CPQ: variants seen among roughly 807,000 people sequenced by gnomAD.
CPQ encodes carboxypeptidase Q, also known as Ser-Met dipeptidase.
A neutral mutation model predicts 45.7 loss-of-function variants in CPQ; 37 were observed. That is an observed-to-expected ratio of 0.81 (90% confidence interval 0.62 to 1.07). The LOEUF is 1.07. Among genes scored for constraint, CPQ ranks in the 50% least tolerant of loss-of-function variants. The pLI is 0.00. For missense variants in CPQ, 537 were observed against 572.9 expected (o/e 0.94, Z 0.64); for synonymous variants, 186 against 205.8 (o/e 0.90, Z 0.82).
intron 4 of CPQ, among the ~76,000 whole-genome samples, chr8:96,937,879 G>A (rs749875297): frequency 6.6e-6 from 1 of 152,168 alleles, no homozygotes; most frequent in Non-Finnish European, 1.5e-5. Context: ...ATCATGCTGT[G>A]CTAGTCGGGC....
intron 1 of CPQ, among the ~76,000 whole-genome samples, chr8:96,762,822 A>G (rs571957488): frequency 7.7e-4 from 117 of 152,222 alleles, no homozygotes; most frequent in African/African-American, 2.8e-3. Context: ...AGAAGTTTTT[A>G]TGATTTAGAG....
At chr8:96,926,107 C>T (rs946618214) in intron 4 of CPQ, among the ~76,000 whole-genome samples, 1 of 152,202 alleles carries the variant, frequency 6.6e-6, no homozygotes, top group Non-Finnish European at 1.5e-5. Flanking sequence ...ATATTAAAAG[C>T]CACCTCTTAA....
intron 3 of CPQ, 21 bp from the exon 4 acceptor site, chr8:96,879,777 C>T: frequency 6.2e-7 from 1 of 1,603,448 alleles, no homozygotes; most frequent in Non-Finnish European, 8.5e-7. Context: ...TCAAGGTAAC[C>T]TGGTGGCTTC....
At chr8:96,781,574 G>A (rs778639107) in intron 1 of CPQ, among the ~76,000 whole-genome samples, 6 of 152,116 alleles carry the variant, frequency 3.9e-5, no homozygotes, top group Non-Finnish European at 5.9e-5. Flanking sequence ...TGAATTTGGA[G>A]GGACAAAAGT....
chr8:97,028,518 T>G (rs1809838904), intron 5 of CPQ, among the ~76,000 whole-genome samples: 1 of 152,260 alleles, frequency 6.6e-6, no homozygotes, highest in Non-Finnish European at 1.5e-5. Flanking sequence ...CACATTTTTC[T>G]GTCTTTGTTA....
intron 3 of CPQ, among the ~76,000 whole-genome samples, chr8:96,860,852 T>C (rs1280105464): frequency 1.3e-5 from 2 of 152,188 alleles, no homozygotes; most frequent in African/African-American, 4.8e-5. Context: ...ATCCTGCCTG[T>C]TGTACTGAAG....
intron 5 of CPQ, among the ~76,000 whole-genome samples, chr8:97,006,356 C>CA (rs1214419162): frequency 6.6e-6 from 1 of 151,764 alleles, no homozygotes; most frequent in East Asian, 1.9e-4. Context: ...AAACCCGACC[C>CA]AAAAAAGGGT....
At chr8:96,805,491 G>A (rs1036654622) in intron 2 of CPQ, among the ~76,000 whole-genome samples, 1 of 152,098 alleles carries the variant, frequency 6.6e-6, no homozygotes, top group African/African-American at 2.4e-5. Flanking sequence ...TACTTCACAG[G>A]TTTGGAGTCA....
In CPQ at chr8:96,785,066, G is replaced by T; in HGVS notation, c.169G>T (p.Gly57Cys). 6.2e-7 allele frequency: 1 copy of T among 1,613,762 alleles called. No individual in the cohort carries two copies. Among genetic ancestry groups the T allele is most frequent in the Non-Finnish European group, 8.5e-7 (1 of 1,179,824 alleles). ...AGCAATCATCAACCTAGCTGTTTAT[G>T]GTAAAGCCCAGAACAGATCCTATGA... ...AKAIINLAVYGKAQNRSYERL... is the reference protein window; with the variant it reads ...AKAIINLAVYCKAQNRSYERL... Residue 57 changes from glycine (G) to cysteine (C), a missense_variant, in exon 2 of 8, where the codon GGT becomes TGT. By Grantham distance (159) the Gly-to-Cys change is radical. Coordinates refer to ENST00000220763, the MANE Select transcript of CPQ (RefSeq NM_016134.4).
At chr8:96,685,271 G>A (rs953086113) in intron 1 of CPQ, among the ~76,000 whole-genome samples, 12 of 151,794 alleles carry the variant, frequency 7.9e-5, no homozygotes, top group African/African-American at 2.9e-4. Context: ...ATTTTAATGG[G>A]TTCTGAGTTT....
At chr8:96,885,977 A>G (rs1183060507) in intron 4 of CPQ, among the ~76,000 whole-genome samples, 1 of 112,788 alleles carries the variant, frequency 8.9e-6, no homozygotes, top group Non-Finnish European at 2.1e-5. Context: ...CTCCATCTCA[A>G]CAGAAAAAAA....
chr8:97,100,009 A>G (rs954445322), intron 7 of CPQ, among the ~76,000 whole-genome samples: 3 of 152,210 alleles, frequency 2.0e-5, no homozygotes, highest in Admixed American at 6.5e-5. Context: ...ATTTAATGAT[A>G]AGCTGTACAG....
chr8:96,692,016 A>G (rs765941695), intron 1 of CPQ, among the ~76,000 whole-genome samples: 1 of 152,198 alleles, frequency 6.6e-6, no homozygotes, highest in African/African-American at 2.4e-5. Context: ...AGACAATAAT[A>G]CTATTAATAA....
chr8:96,750,984 G>T (rs1016992203), intron 1 of CPQ, among the ~76,000 whole-genome samples: 2 of 152,116 alleles, frequency 1.3e-5, no homozygotes, highest in African/African-American at 4.8e-5. Flanking sequence ...TTTTATGGTT[G>T]CATAGTATTC....
chr8:96,874,060 A>G (rs574127847), intron 3 of CPQ, among the ~76,000 whole-genome samples: 2 of 151,930 alleles, frequency 1.3e-5, no homozygotes, highest in South Asian at 4.1e-4. Flanking sequence ...AAATGATGTC[A>G]CTTTTCATAA....
At chr8:97,060,216 T>C (rs907106416) in intron 6 of CPQ, among the ~76,000 whole-genome samples, 1 of 152,176 alleles carries the variant, frequency 6.6e-6, no homozygotes, top group Non-Finnish European at 1.5e-5. Context: ...CTTGTGTTTA[T>C]ATTAGGAAGT....
At chr8:96,949,217 G>A (rs1054392776) in intron 4 of CPQ, among the ~76,000 whole-genome samples, 1 of 151,118 alleles carries the variant, frequency 6.6e-6, no homozygotes, top group Non-Finnish European at 1.5e-5. Flanking sequence ...CCTTTTGTCA[G>A]TCTTTTCCTT....
rs570958775 is a variant in CPQ at position 97,073,023 on chromosome 8, G to A, written c.1255+6813G>A. 3.9e-5 allele frequency among the ~76,000 whole-genome samples: 6 copies of A among 152,282 alleles called. No individual in the cohort carries two copies. The East Asian group carries it at 1.2e-3, about 29-fold the overall frequency. The stretch of plus-strand genomic sequence containing the variant: ...ATTAACTATAATGCAAGACACAACT[G>A]TAAGTTATGATTAATTTAGTAACGA... On this transcript the variant is annotated intron_variant, in intron 7 of 7. Transcript: ENST00000220763.
Position 96,926,625 on chromosome 8 carries a change from C to CTTCTTCTTCTT in CPQ, c.850-39310_850-39309insTTCTTCTTCTT, listed in dbSNP as rs59043894. On this transcript the variant is annotated intron_variant, in intron 4 of 7. Coordinates refer to ENST00000220763, the MANE Select transcript of CPQ (RefSeq NM_016134.4). ...TTCTTCTTCTTCTTCTTCTTCTTCTCCTCCTTCTCCTTCTTCTTCTTCTCC... is the reference window on the plus strand; with the variant it reads ...TTCTTCTTCTTCTTCTTCTTCTTCTCTTCTTCTTCTTCTCCTTCTCCTTCTTCTTCTTCTCC... Among the ~76,000 whole-genome samples the CTTCTTCTTCTT allele has an allele frequency of 5.7e-3, 332 of 58,358 alleles. 18 individuals carry two copies. The highest frequency in any genetic ancestry group is 0.018 in the African/African-American group (277 of 15,822). The allele number at this position is 58,358 out of a possible 152,430, so 38.3% of individuals were successfully genotyped here. A position where few individuals can be genotyped will look rare whatever the true frequency, so the allele number is the denominator to read the frequency against.
Sources: gnomAD v4.1 joint callset for allele counts (sites outside exome capture counted in the v4.1 genomes callset) on GRCh38, gnomAD v4.1.1 for gene constraint, MANE v1.5 for transcripts, NCBI Gene and HGNC (gene_info 2026-07-23, HGNC 2026-07-21) for gene names.